The following ATP10A variants were observed in gnomAD, a reference collection of about 807,000 sequenced individuals.
ATP10A encodes the protein ATPase phospholipid transporting 10A (putative).
ATP10A carries 111 observed loss-of-function variants against 147.8 expected under a neutral mutation model. The ratio of observed to expected loss-of-function variants is 0.75; its 90% CI spans 0.64 to 0.88. ATP10A has a LOEUF of 0.88. Among genes scored for constraint, ATP10A ranks in the 40% least tolerant of loss-of-function variants. The pLI, the probability that ATP10A is intolerant of heterozygous loss-of-function variation, is 0.00. For missense variants in ATP10A, 1,927 were observed against 1,959.0 expected, an observed-to-expected ratio of 0.98 and a Z score of 0.31; for synonymous variants, 875 against 841.6, an observed-to-expected ratio of 1.04 and a Z score of -0.69.
At chr15:25,760,481 T>C (rs140140076) in intron 2 of ATP10A, among the ~76,000 whole-genome samples, 2 of 152,370 alleles carry the variant, frequency 1.3e-5, no homozygotes, top group East Asian at 3.9e-4. Flanking sequence ...TTTATTCCAA[T>C]GCCTTTCTGA....
intron 1 of ATP10A, among the ~76,000 whole-genome samples, chr15:25,821,601 A>C (rs1264199640): frequency 6.6e-6 from 1 of 152,160 alleles, no homozygotes; most frequent in African/African-American, 2.4e-5. Flanking sequence ...CAATTTTGGA[A>C]GGGGTTTTGC....
At chr15:25,736,994 C>A (rs1168979137) in intron 2 of ATP10A, among the ~76,000 whole-genome samples, 2 of 152,206 alleles carry the variant, frequency 1.3e-5, no homozygotes, top group Admixed American at 1.3e-4. Flanking sequence ...TATGGCTCTG[C>A]CGCAACCACA....
chr15:25,745,209 C>T (rs1409106585), intron 2 of ATP10A, among the ~76,000 whole-genome samples: 2 of 151,998 alleles, frequency 1.3e-5, no homozygotes. Flanking sequence ...GTCTGTAATC[C>T]CAGCTACTTG....
chr15:25,785,953 C>A (rs978910543), intron 1 of ATP10A, among the ~76,000 whole-genome samples: 1 of 152,226 alleles, frequency 6.6e-6, no homozygotes, highest in Non-Finnish European at 1.5e-5. Context: ...GGTCCGGTCT[C>A]CGGAGGTGTC....
chr15:25,754,943 A>T (rs1462183983), intron 2 of ATP10A, among the ~76,000 whole-genome samples: 1 of 152,184 alleles, frequency 6.6e-6, no homozygotes, highest in East Asian at 1.9e-4. Flanking sequence ...AGGATTCCCA[A>T]ATAGCCTTTT....
At chr15:25,725,364 T>C (rs1902479534) in intron 5 of ATP10A, among the ~76,000 whole-genome samples, 1 of 152,188 alleles carries the variant, frequency 6.6e-6, no homozygotes. Context: ...AGGTAGGTTA[T>C]ATGCCAATAC....
In ATP10A at chr15:25,702,028, A is replaced by C. The variant is rs746934256; in HGVS notation, c.2648T>G (p.Leu883Arg). The stretch of plus-strand genomic sequence containing the variant: ...GTCACCAGTGAGAACCCAAATCTGC[A>C]GGCCCGCTTGACGCAATTTAGAAAT... ...ETISKLRQAG[L>R]QIWVLTGDKQ... Residue 883 changes from leucine (L) to arginine (R), a missense_variant, in exon 13 of 21, where the codon CTG (leucine) becomes CGG (arginine). Transcript: ENST00000555815. 4 of 1,614,194 alleles carry C rather than the reference A, an allele frequency of 2.5e-6. No individual in the cohort carries two copies. The highest frequency in any genetic ancestry group is 3.4e-6 in the Non-Finnish European group (4 of 1,180,024).
chr15:25,787,626 A>AGG (rs1567384529), intron 1 of ATP10A, among the ~76,000 whole-genome samples: 1 of 52,434 alleles, frequency 1.9e-5, no homozygotes, highest in African/African-American at 6.2e-5. Flanking sequence ...AAAAAAAAAA[A>AGG]AAAAGAAGAA....
chr15:25,687,903 A>G, intron 15 of ATP10A, 75 bp from the exon 16 acceptor site: 1 of 1,595,928 alleles, frequency 6.3e-7, no homozygotes. Context: ...CTCAAAATGC[A>G]AGGTACACAA....
chr15:25,816,898 CA>C (rs1219980160), intron 1 of ATP10A, among the ~76,000 whole-genome samples: 4 of 151,432 alleles, frequency 2.6e-5, no homozygotes, highest in Non-Finnish European at 4.4e-5. Context: ...GTAAAACAAA[CA>C]AAAAAAATTC....
At chr15:25,734,498 C>T (rs1401864015) in intron 3 of ATP10A, among the ~76,000 whole-genome samples, 4 of 152,158 alleles carry the variant, frequency 2.6e-5, no homozygotes, top group East Asian at 3.9e-4. Flanking sequence ...GTAGCCAACT[C>T]GTGCCTGGGG....
Position 25,708,041 on chromosome 15 carries a change from A to C in ATP10A, c.2510T>G (p.Leu837Arg). ...GAAGAGGAGCTCCTCGCTGTTTTCC[A>C]GGGAGGATTCGGCTTCTAGGTGGCT... ...LQSHLEAESS[L>R]ENSEELLFQS... The change falls in exon 12 of 21, where the codon CTG becomes CGG. Residue 837 changes from leucine (L) to arginine (R), a missense_variant. By Grantham distance (102) the Leu-to-Arg change is moderately radical. Coordinates refer to ENST00000555815, the MANE Select transcript of ATP10A (RefSeq NM_024490.4). The C allele has an allele frequency of 6.2e-7, 1 of 1,614,146 alleles. No individual in the cohort carries two copies. The highest frequency in any genetic ancestry group is 8.5e-7 in the Non-Finnish European group (1 of 1,180,042).
chr15:25,816,722 A>G (rs1891669516), intron 1 of ATP10A, among the ~76,000 whole-genome samples: 1 of 152,222 alleles, frequency 6.6e-6, no homozygotes, highest in African/African-American at 2.4e-5. Context: ...AAATAAGAAG[A>G]AAACATAATT....
At chr15:25,812,161 CT>C (rs1891462944) in intron 1 of ATP10A, among the ~76,000 whole-genome samples, 1 of 152,176 alleles carries the variant, frequency 6.6e-6, no homozygotes, top group South Asian at 2.1e-4. Flanking sequence ...ACCAAAATGA[CT>C]TTTAGTTTAG....
At chr15:25,783,542 G>A (rs1339087667) in intron 1 of ATP10A, among the ~76,000 whole-genome samples, 1 of 152,176 alleles carries the variant, frequency 6.6e-6, no homozygotes, top group African/African-American at 2.4e-5. Context: ...GCTGAAGAGA[G>A]GAGTGTCCCC....
At chr15:25,708,326 T>C in intron 10 of ATP10A, 26 bp from the exon 11 acceptor site, 4 of 1,600,256 alleles carry the variant, frequency 2.5e-6, no homozygotes, top group Non-Finnish European at 3.4e-6. Context: ...AGCAGAAACA[T>C]GGGTAAGAAC....
At chr15:25,782,026 C>A (rs2140711072) in intron 1 of ATP10A, among the ~76,000 whole-genome samples, 1 of 152,316 alleles carries the variant, frequency 6.6e-6, no homozygotes, top group East Asian at 1.9e-4. Context: ...AGCAGCATCA[C>A]TCAGAATTGC....
At chr15:25,762,110 G>T (rs1402214504) in intron 2 of ATP10A, among the ~76,000 whole-genome samples, 2 of 152,026 alleles carry the variant, frequency 1.3e-5, no homozygotes, top group Non-Finnish European at 1.5e-5. Flanking sequence ...GAGATCTGAT[G>T]GTCTTATAAG....
At chr15:25,842,450 G>A (rs902981017) in intron 1 of ATP10A, among the ~76,000 whole-genome samples, 39 of 152,168 alleles carry the variant, frequency 2.6e-4, no homozygotes, top group African/African-American at 7.9e-4. Flanking sequence ...TTGTAATCAC[G>A]GGGAGGAGCA....
Sources: allele counts gnomAD v4.1 joint callset (sites outside exome capture counted in the v4.1 genomes callset), GRCh38; gene constraint gnomAD v4.1.1; transcripts MANE v1.5; gene names NCBI Gene and HGNC (gene_info 2026-07-23, HGNC 2026-07-21).